The following AGBL4 variants were observed in gnomAD, a reference collection of about 807,000 sequenced individuals.
The protein encoded by AGBL4 is cytosolic carboxypeptidase 6.
AGBL4 carries 58 observed loss-of-function variants against 66.4 expected under a neutral mutation model. The observed-to-expected ratio is 0.87, with a 90% CI of 0.71 to 1.09. The LOEUF (loss-of-function observed/expected upper bound fraction) is 1.09. Among genes scored for constraint, AGBL4 ranks in the 50% least tolerant of loss-of-function variants. The pLI, the probability that AGBL4 is intolerant of heterozygous loss-of-function variation, is 0.00. For synonymous variants in AGBL4, 234 were observed against 222.9 expected (o/e 1.05, Z -0.44); for missense variants, 579 against 631.0 (o/e 0.92, Z 0.88).
intron 6 of AGBL4, among the ~76,000 whole-genome samples, chr1:48,853,861 G>A (rs1312011963): frequency 6.6e-6 from 1 of 152,034 alleles, no homozygotes; most frequent in Non-Finnish European, 1.5e-5. Context: ...TTATGCTGCT[G>A]CAGACCTTCA....
At chr1:49,901,575 G>T (rs185044200) in intron 1 of AGBL4, among the ~76,000 whole-genome samples, 1 of 152,138 alleles carries the variant, frequency 6.6e-6, no homozygotes, top group Non-Finnish European at 1.5e-5. Flanking sequence ...CCATGCTCAT[G>T]GAAAGGAGGA....
chr1:49,095,785 A>T (rs1357198937), intron 4 of AGBL4, among the ~76,000 whole-genome samples: 1 of 151,444 alleles, frequency 6.6e-6, no homozygotes, highest in African/African-American at 2.4e-5. Context: ...ATGGGCAAGG[A>T]CTTCATGTCT....
At chr1:48,980,153 C>G (rs1557523040) in intron 5 of AGBL4, among the ~76,000 whole-genome samples, 1 of 152,158 alleles carries the variant, frequency 6.6e-6, no homozygotes, top group South Asian at 2.1e-4. Flanking sequence ...AGCTGCTTCT[C>G]TTCAGCTCTA....
chr1:49,900,500 C>T (rs890931214), intron 1 of AGBL4, among the ~76,000 whole-genome samples: 1 of 152,146 alleles, frequency 6.6e-6, no homozygotes, highest in Non-Finnish European at 1.5e-5. Flanking sequence ...TGGCCTTAGC[C>T]TCCCAAAGTG....
At chr1:49,978,075 G>T (rs1302585660) in intron 1 of AGBL4, among the ~76,000 whole-genome samples, 2 of 152,154 alleles carry the variant, frequency 1.3e-5, no homozygotes, top group Non-Finnish European at 2.9e-5. Context: ...AATTTGGCTT[G>T]ACATAGAATT....
intron 4 of AGBL4, among the ~76,000 whole-genome samples, chr1:49,237,356 CTTCT>C (rs1183525739): frequency 2.8e-4 from 42 of 151,644 alleles, no homozygotes; most frequent in African/African-American, 9.9e-4. Context: ...ATGACTTGCT[CTTCT>C]TTGTCTTCCA....
intron 1 of AGBL4, among the ~76,000 whole-genome samples, chr1:49,940,989 CA>C: frequency 6.6e-6 from 1 of 152,132 alleles, no homozygotes; most frequent in South Asian, 2.1e-4. Flanking sequence ...GCAGACATTA[CA>C]ACTGACACCA....
At chr1:49,347,012 G>C (rs1050437911) in intron 3 of AGBL4, among the ~76,000 whole-genome samples, 1 of 152,134 alleles carries the variant, frequency 6.6e-6, no homozygotes, top group African/African-American at 2.4e-5. Context: ...TTCTTCCAAT[G>C]TTGTAAGAAC....
At chr1:48,950,491 A>G (rs1198933228) in intron 5 of AGBL4, among the ~76,000 whole-genome samples, 1 of 152,232 alleles carries the variant, frequency 6.6e-6, no homozygotes, top group East Asian at 1.9e-4. Context: ...ACTTTTAAGC[A>G]CTATAAACTT....
chr1:49,450,413 C>T (rs973763958), intron 3 of AGBL4, among the ~76,000 whole-genome samples: 5 of 152,048 alleles, frequency 3.3e-5, no homozygotes, highest in Non-Finnish European at 5.9e-5. Context: ...GTTGGAAGAG[C>T]TCAACATAGG....
intron 1 of AGBL4, among the ~76,000 whole-genome samples, chr1:49,943,853 T>G (rs1015107585): frequency 2.0e-5 from 3 of 152,026 alleles, no homozygotes; most frequent in Non-Finnish European, 2.9e-5. Flanking sequence ...AAAGCCCTAC[T>G]TGCTTTCACA....
At chr1:49,826,948 C>T (rs577617507) in intron 2 of AGBL4, among the ~76,000 whole-genome samples, 4 of 152,142 alleles carry the variant, frequency 2.6e-5, no homozygotes, top group African/African-American at 9.6e-5. Context: ...AGTTTGGGTA[C>T]AGACTTTGAG....
At chr1:48,944,909 A>T (rs1656332782) in intron 5 of AGBL4, among the ~76,000 whole-genome samples, 1 of 152,228 alleles carries the variant, frequency 6.6e-6, no homozygotes, top group Non-Finnish European at 1.5e-5. Flanking sequence ...TAACTCCACC[A>T]TAGGGGTTTA....
chr1:49,659,064 A>G (rs1229914257), intron 3 of AGBL4, among the ~76,000 whole-genome samples: 3 of 152,156 alleles, frequency 2.0e-5, no homozygotes, highest in Admixed American at 6.6e-5. Context: ...CAACAAAACT[A>G]GCTTCATAAA....
At chr1:49,169,703 C>A (rs1236816797) in intron 4 of AGBL4, among the ~76,000 whole-genome samples, 1 of 152,112 alleles carries the variant, frequency 6.6e-6, no homozygotes, top group Non-Finnish European at 1.5e-5. Flanking sequence ...TGCCGGGCAC[C>A]ATCTGCCTTA....
chr1:49,116,830 CCCA>C (rs1352865849), intron 4 of AGBL4, among the ~76,000 whole-genome samples: 1 of 152,174 alleles, frequency 6.6e-6, no homozygotes, highest in African/African-American at 2.4e-5. Context: ...AATTCACACT[CCCA>C]CCAACAGTGT....
At chr1:48,762,780 A>G (rs893959145) in intron 6 of AGBL4, among the ~76,000 whole-genome samples, 1 of 152,174 alleles carries the variant, frequency 6.6e-6, no homozygotes, top group Non-Finnish European at 1.5e-5. Context: ...GAATGTACTC[A>G]AATGCTGAAT....
chr1:49,426,215 T>C (rs930628789), intron 3 of AGBL4, among the ~76,000 whole-genome samples: 19 of 152,158 alleles, frequency 1.2e-4, no homozygotes, highest in African/African-American at 3.9e-4. Context: ...TTAGAAGAAA[T>C]GAGTAGTGAT....
chr1:49,199,703 C>T (rs370383675), intron 4 of AGBL4, among the ~76,000 whole-genome samples: 2 of 152,188 alleles, frequency 1.3e-5, no homozygotes, highest in African/African-American at 4.8e-5. Context: ...ACATTCTCCT[C>T]CCTGAACCTT....
Sources: gnomAD v4.1 joint callset for allele counts (sites outside exome capture counted in the v4.1 genomes callset) on GRCh38, gnomAD v4.1.1 for gene constraint, MANE v1.5 for transcripts, NCBI Gene and HGNC (gene_info 2026-07-23, HGNC 2026-07-21) for gene names.